Variants in ADGRB3 observed in about 807,000 individuals in gnomAD.
ADGRB3 encodes brain-specific angiogenesis inhibitor 3.
Under a neutral mutation model 193.4 loss-of-function variants are expected in ADGRB3, and 37 were observed. The observed-to-expected ratio is 0.19, with a 90% confidence interval of 0.15 to 0.25. The LOEUF (loss-of-function observed/expected upper bound fraction) is 0.25. Ranked by LOEUF, ADGRB3 falls within the 10% of genes least tolerant of loss-of-function variation. ADGRB3 has a pLI of 1.00. For synonymous variants in ADGRB3, 690 were observed against 644.2 expected, an observed-to-expected ratio of 1.07 and a Z score of -1.08; for missense variants, 1,637 against 1,852.9, an observed-to-expected ratio of 0.88 and a Z score of 2.14.
rs1394624826 is a variant in ADGRB3, at chr6:68,901,942, CA to C, written c.758-28616del. 7.2e-5 allele frequency among the ~76,000 whole-genome samples: 11 copies of C among 152,128 alleles called. No individual in the cohort carries two copies. In the South Asian group the frequency reaches 2.1e-3, roughly 29 times the overall value. On this transcript the variant is annotated intron_variant, in intron 3 of 31. Transcript: ENST00000370598. Reference sequence around the variant, plus strand: ...ATTTTTTAAATGGGAGAAGTGGTGACATTGGCAATATTTAATTTATATTTTT... The same window carrying C: ...ATTTTTTAAATGGGAGAAGTGGTGACTTGGCAATATTTAATTTATATTTTT...
chr6:68,817,462 T>C (rs562191865), intron 3 of ADGRB3, among the ~76,000 whole-genome samples: 1 of 150,676 alleles, frequency 6.6e-6, no homozygotes, highest in South Asian at 2.1e-4. Flanking sequence ...CTAAGCACTC[T>C]TTACCACCTG....
intron 29 of ADGRB3, among the ~76,000 whole-genome samples, chr6:69,366,129 T>C (rs965320579): frequency 2.0e-5 from 3 of 152,070 alleles, no homozygotes; most frequent in Admixed American, 2.0e-4. Flanking sequence ...CATTTTTTTC[T>C]CTTTTACATT....
At chr6:69,293,843 C>A (rs1298003071) in intron 20 of ADGRB3, among the ~76,000 whole-genome samples, 1 of 152,070 alleles carries the variant, frequency 6.6e-6, no homozygotes, top group Non-Finnish European at 1.5e-5. Context: ...GGGATGGGAT[C>A]TGGGTGTTTA....
intron 24 of ADGRB3, among the ~76,000 whole-genome samples, chr6:69,336,390 C>T (rs367573194): frequency 1.3e-5 from 2 of 149,720 alleles, no homozygotes; most frequent in South Asian, 2.1e-4. Flanking sequence ...CTTACTAGTA[C>T]CCTTTACAAA....
chr6:68,660,831 T>G (rs1768613062), intron 3 of ADGRB3, among the ~76,000 whole-genome samples: 1 of 151,164 alleles, frequency 6.6e-6, no homozygotes, highest in Non-Finnish European at 1.5e-5. Flanking sequence ...AAACGTTAAT[T>G]TAACTCATGC....
chr6:69,171,795 A>C (rs946008977), intron 17 of ADGRB3, among the ~76,000 whole-genome samples: 1 of 152,192 alleles, frequency 6.6e-6, no homozygotes, highest in African/African-American at 2.4e-5. Context: ...AAACTACAGA[A>C]TCTAACTAAC....
At chr6:68,820,854 C>A (rs892446341) in intron 3 of ADGRB3, among the ~76,000 whole-genome samples, 10 of 151,988 alleles carry the variant, frequency 6.6e-5, no homozygotes, top group Non-Finnish European at 1.3e-4. Flanking sequence ...AATGTTATAA[C>A]AAAACAAAGA....
At chr6:69,273,198 G>A (rs1767218788) in intron 20 of ADGRB3, among the ~76,000 whole-genome samples, 1 of 152,154 alleles carries the variant, frequency 6.6e-6, no homozygotes, top group South Asian at 2.1e-4. Context: ...ACTGCGCCTG[G>A]CCCTATTACC....
In ADGRB3 at chr6:68,667,298, T is replaced by G. The variant is rs559918005; in HGVS notation, c.757+27866T>G. 2.0e-5 allele frequency among the ~76,000 whole-genome samples: 3 copies of G among 151,974 alleles called. No homozygotes were observed. In the South Asian group the frequency reaches 6.2e-4, roughly 32 times the overall value. On this transcript the variant is annotated intron_variant, in intron 3 of 31. Coordinates refer to ENST00000370598, the MANE Select transcript of ADGRB3 (RefSeq NM_001704.3). ...GTTCATAGTGCAATTCAGCTAGAAA[T>G]TTAATGTTATAGATTTAAGCAAAAC...
intron 17 of ADGRB3, among the ~76,000 whole-genome samples, chr6:69,111,773 G>T (rs149883771): frequency 6.6e-6 from 1 of 152,158 alleles, no homozygotes; most frequent in Non-Finnish European, 1.5e-5. Context: ...TTAGACTTGT[G>T]AAATGCAGAA....
intron 8 of ADGRB3, among the ~76,000 whole-genome samples, chr6:68,961,951 C>T (rs117821698): frequency 0.018 from 2,791 of 152,160 alleles, 35 homozygotes; most frequent in Non-Finnish European, 0.028. Context: ...TATGTTATTA[C>T]CTGTTGCATT....
chr6:69,372,409 A>G lies in ADGRB3; in HGVS notation c.4243A>G (p.Arg1415Gly). 1 of 1,373,936 alleles carries G rather than the reference A, an allele frequency of 7.3e-7. No individual in the cohort carries two copies. Among genetic ancestry groups the G allele is most frequent in the Non-Finnish European group, 1.0e-6 (1 of 1,002,020 alleles). The allele number at this position is 1,373,936 out of a possible 1,614,324, so 85.1% of individuals were successfully genotyped here. The change falls in exon 30 of 32, where the codon AGA becomes GGA. Residue 1415 changes from arginine (R) to glycine (G), a missense_variant. Coordinates refer to ENST00000370598, the MANE Select transcript of ADGRB3 (RefSeq NM_001704.3). Reference protein sequence around the residue: ...STISMSSLERRKSRYSDLDFE... With the variant: ...STISMSSLERGKSRYSDLDFE... ...TTTTTAAAAATATATCTTACAGAGAAGAAAATCACGATATTCAGACCTTGA... is the reference window on the plus strand; with the variant it reads ...TTTTTAAAAATATATCTTACAGAGAGGAAAATCACGATATTCAGACCTTGA...
intron 19 of ADGRB3, among the ~76,000 whole-genome samples, chr6:69,237,421 T>A (rs1239592627): frequency 2.0e-5 from 3 of 152,012 alleles, no homozygotes; most frequent in South Asian, 2.1e-4. Flanking sequence ...CACCTATAGA[T>A]AAGTTTGGCA....
chr6:68,661,339 A>ATG (rs1768628408), intron 3 of ADGRB3, among the ~76,000 whole-genome samples: 1 of 95,950 alleles, frequency 1.0e-5, no homozygotes, highest in Non-Finnish European at 2.2e-5. Context: ...ATATATATAT[A>ATG]TATGTGTGTG....
At chr6:69,388,630 C>T (rs1425965648) in intron 31 of ADGRB3, 73 bp from the exon 32 acceptor site, 2 of 1,414,814 alleles carry the variant, frequency 1.4e-6, no homozygotes, top group Non-Finnish European at 1.9e-6. Context: ...AACACGCTCT[C>T]TTCCTGGAAA....
intron 3 of ADGRB3, among the ~76,000 whole-genome samples, chr6:68,838,613 G>A (rs1425101291): frequency 6.6e-6 from 1 of 152,156 alleles, no homozygotes; most frequent in African/African-American, 2.4e-5. Flanking sequence ...TTGTAGCAAA[G>A]TCAAATGGGA....
At chr6:69,272,013 T>C (rs55637126) in intron 20 of ADGRB3, among the ~76,000 whole-genome samples, 11,491 of 152,020 alleles carry the variant, frequency 0.076, 493 homozygotes, top group African/African-American at 0.11. Context: ...ACAAGAAAAT[T>C]CCAAACACAT....
intron 17 of ADGRB3, among the ~76,000 whole-genome samples, chr6:69,198,795 G>GTGTCAA (rs367685354): frequency 1.5e-3 from 227 of 152,196 alleles, no homozygotes; most frequent in African/African-American, 5.1e-3. Context: ...ATGAATAAGT[G>GTGTCAA]TGTCAATGAT....
chr6:68,918,487 G>T (rs1031905269), intron 3 of ADGRB3, among the ~76,000 whole-genome samples: 2 of 152,170 alleles, frequency 1.3e-5, no homozygotes, highest in Non-Finnish European at 2.9e-5. Flanking sequence ...ACAAGTAAAA[G>T]AATGTGAATT....
Sources: allele counts gnomAD v4.1 joint callset (sites outside exome capture counted in the v4.1 genomes callset), GRCh38; gene constraint gnomAD v4.1.1; transcripts MANE v1.5; gene names NCBI Gene and HGNC (gene_info 2026-07-23, HGNC 2026-07-21).